RBFOX1: variants seen among roughly 807,000 people sequenced by gnomAD.
RBFOX1 encodes the protein RNA binding protein fox-1 homolog 1.
In RBFOX1, 8 loss-of-function variants were observed where a neutral mutation model predicts 57.7. That is an observed-to-expected ratio of 0.14 (90% CI 0.08 to 0.25). The LOEUF (loss-of-function observed/expected upper bound fraction) is 0.25. Among genes scored for constraint, RBFOX1 ranks in the 10% least tolerant of loss-of-function variants. The pLI is 1.00. For synonymous variants in RBFOX1, 326 were observed against 222.4 expected (o/e 1.47, Z -4.15); for missense variants, 611 against 548.5 (o/e 1.11, Z -1.14).
intron 2 of RBFOX1, among the ~76,000 whole-genome samples, chr16:6,321,529 G>A (rs2081789738): frequency 6.6e-6 from 1 of 152,204 alleles, no homozygotes; most frequent in Non-Finnish European, 1.5e-5. Context: ...CTGGGACTCT[G>A]CACAATGCCA....
chr16:5,364,392 C>T (rs1345876612), intron 1 of RBFOX1, among the ~76,000 whole-genome samples: 1 of 152,178 alleles, frequency 6.6e-6, no homozygotes, highest in African/African-American at 2.4e-5. Flanking sequence ...GGAAAACAAG[C>T]CAGTTGCCAA....
At chr16:5,661,064 T>C (rs766378043) in intron 3 of RBFOX1, among the ~76,000 whole-genome samples, 7 of 152,162 alleles carry the variant, frequency 4.6e-5, no homozygotes, top group African/African-American at 7.2e-5. Context: ...CTGCACCTGC[T>C]CACTTCAGCC....
intron 3 of RBFOX1, among the ~76,000 whole-genome samples, chr16:6,796,966 G>A (rs781730879): frequency 2.6e-5 from 4 of 152,138 alleles, no homozygotes; most frequent in African/African-American, 9.7e-5. Flanking sequence ...AGAGGAAACA[G>A]GGCATTCCTT....
intron 2 of RBFOX1, among the ~76,000 whole-genome samples, chr16:5,540,036 C>G (rs1319910692): frequency 1.2e-4 from 19 of 152,074 alleles, no homozygotes. Flanking sequence ...TGATTTCTGC[C>G]AATCTTCTGG....
intron 4 of RBFOX1, among the ~76,000 whole-genome samples, chr16:7,342,858 G>T (rs1244988840): frequency 6.6e-6 from 1 of 152,270 alleles, no homozygotes. Context: ...CCCAGCCTCT[G>T]TCCTCAGAGG....
chr16:5,662,822 C>G (rs2049701510), intron 3 of RBFOX1, among the ~76,000 whole-genome samples: 2 of 152,190 alleles, frequency 1.3e-5, no homozygotes, highest in Admixed American at 1.3e-4. Context: ...GTAGTGGCCC[C>G]TTTGCTTCAG....
intron 4 of RBFOX1, among the ~76,000 whole-genome samples, chr16:7,054,560 T>G (rs2051439108): frequency 1.4e-5 from 2 of 144,466 alleles, no homozygotes; most frequent in Admixed American, 7.1e-5. Context: ...GGGCATTTTT[T>G]AAGGGTTTCT....
intron 1 of RBFOX1, among the ~76,000 whole-genome samples, chr16:5,412,022 C>T (rs574416521): frequency 2.6e-5 from 4 of 152,258 alleles, no homozygotes; most frequent in South Asian, 2.1e-4. Context: ...ATGAGAGTCA[C>T]GGGCAGTTTC....
intron 1 of RBFOX1, among the ~76,000 whole-genome samples, chr16:6,177,722 T>C (rs2097023785): frequency 6.6e-6 from 1 of 152,126 alleles, no homozygotes; most frequent in African/African-American, 2.4e-5. Flanking sequence ...ATATTTTGAA[T>C]ATCATGAGAG....
chr16:5,533,305 A>C (rs577220824), intron 2 of RBFOX1, among the ~76,000 whole-genome samples: 1 of 152,214 alleles, frequency 6.6e-6, no homozygotes, highest in Non-Finnish European at 1.5e-5. Context: ...TCATGTTTTA[A>C]TAGGGCTTAT....
At chr16:6,622,820 C>CAT (rs1399492465) in intron 2 of RBFOX1, among the ~76,000 whole-genome samples, 1 of 152,156 alleles carries the variant, frequency 6.6e-6, no homozygotes, top group African/African-American at 2.4e-5. Flanking sequence ...ACTCATAACA[C>CAT]ATTGCTAGGC....
At chr16:6,948,680 C>T (rs976464508) in intron 3 of RBFOX1, among the ~76,000 whole-genome samples, 3 of 152,144 alleles carry the variant, frequency 2.0e-5, no homozygotes, top group East Asian at 1.9e-4. Flanking sequence ...CCACGCCTGG[C>T]GTTGTGTCAG....
chr16:6,540,598 C>T (rs530827252), intron 2 of RBFOX1, among the ~76,000 whole-genome samples: 4 of 107,282 alleles, frequency 3.7e-5, no homozygotes, highest in African/African-American at 1.1e-4. Context: ...GGCAACAGAG[C>T]GAGACTCTGT....
At chr16:6,405,593 C>G (rs947285994) in intron 2 of RBFOX1, among the ~76,000 whole-genome samples, 1 of 152,098 alleles carries the variant, frequency 6.6e-6, no homozygotes, top group African/African-American at 2.4e-5. Context: ...CCCCACCTAA[C>G]AAGGTGGAAT....
intron 4 of RBFOX1, among the ~76,000 whole-genome samples, chr16:7,249,879 T>C (rs28630409): frequency 2.0e-4 from 31 of 152,352 alleles, no homozygotes; most frequent in African/African-American, 6.0e-4. Context: ...TGATACACAT[T>C]GTTAAATGAT....
At chr16:6,385,940 T>A (rs1416756083) in intron 2 of RBFOX1, among the ~76,000 whole-genome samples, 1 of 134,776 alleles carries the variant, frequency 7.4e-6, no homozygotes, top group Non-Finnish European at 1.6e-5. Flanking sequence ...TTTTTCTTTC[T>A]TTTTTTTTTT....
intron 4 of RBFOX1, among the ~76,000 whole-genome samples, chr16:7,202,845 C>A (rs2088943955): frequency 6.6e-6 from 1 of 152,156 alleles, no homozygotes; most frequent in Non-Finnish European, 1.5e-5. Context: ...AAAACTGGTC[C>A]CTGGTGCCAA....
intron 3 of RBFOX1, among the ~76,000 whole-genome samples, chr16:6,709,938 C>T (rs898947962): frequency 6.6e-6 from 1 of 152,106 alleles, no homozygotes; most frequent in Admixed American, 6.5e-5. Flanking sequence ...TGAGGTGAAT[C>T]ACTTGGCAAT....
chr16:7,221,026 C>T (rs188208361), intron 4 of RBFOX1, among the ~76,000 whole-genome samples: 7 of 152,130 alleles, frequency 4.6e-5, no homozygotes, highest in Non-Finnish European at 1.0e-4. Context: ...CTTAGTTTAT[C>T]AGATGTACTG....
Sources: allele counts gnomAD v4.1 joint callset (sites outside exome capture counted in the v4.1 genomes callset), GRCh38; gene constraint gnomAD v4.1.1; transcripts MANE v1.5; gene names NCBI Gene and HGNC (gene_info 2026-07-23, HGNC 2026-07-21).